Variants in SYT1 observed in about 807,000 individuals in gnomAD.
SYT1 encodes the protein synaptotagmin-1.
SYT1 carries 8 observed loss-of-function variants against 44.8 expected under a neutral mutation model. That is an observed-to-expected ratio of 0.18 (90% confidence interval 0.10 to 0.32). SYT1 has a LOEUF of 0.32. SYT1 is among the 10% of genes least tolerant of loss of function. SYT1 has a pLI of 1.00. For missense variants in SYT1, 286 were observed against 509.3 expected (o/e 0.56, Z 4.22); for synonymous variants, 154 against 188.8 (o/e 0.82, Z 1.51).
intron 1 of SYT1, among the ~76,000 whole-genome samples, chr12:78,901,185 T>TTTTCATGAAGTGTATCATGAAATG (rs1565708905): frequency 9.9e-5 from 15 of 152,112 alleles, no homozygotes. Context: ...GTCATGAAAT[T>TTTTCATGAAGTGTATCATGAAATG]TTTCATGAAG....
intron 2 of SYT1, among the ~76,000 whole-genome samples, chr12:78,992,241 CTCCAACGTATTG>C (rs1322033286): frequency 2.0e-5 from 3 of 152,198 alleles, no homozygotes; most frequent in Non-Finnish European, 4.4e-5. Flanking sequence ...TGACTAAGCT[CTCCAACGTATTG>C]TCCTTTATAC....
Position 79,353,540 on chromosome 12 carries a change from C to T in SYT1, c.849C>T (p.Tyr283=), listed in dbSNP as rs146053442. 3.4e-4 allele frequency: 555 copies of T among 1,614,104 alleles called. 6 individuals carry two copies. In the East Asian group the frequency reaches 0.011, roughly 33 times the overall value. The change falls in exon 9 of 11, where the codon TAC becomes TAT. Residue 283 remains tyrosine, a synonymous_variant. Transcript: ENST00000261205. ...KLGDICFSLR[Y]VPTAGKLTVV... is the part of the protein sequence containing the mutation. ...GTGATATCTGCTTCTCCCTTCGCTA[C>T]GTACCTACTGCTGGTAAGCTGACTG...
chr12:79,076,412 A>T (rs866460503), intron 3 of SYT1, among the ~76,000 whole-genome samples: 9 of 152,280 alleles, frequency 5.9e-5, no homozygotes, highest in African/African-American at 2.2e-4. Context: ...TAAAAAATAG[A>T]ATGTTACCAA....
At chr12:78,925,420 C>CTG (rs1877246799) in intron 1 of SYT1, among the ~76,000 whole-genome samples, 1 of 151,936 alleles carries the variant, frequency 6.6e-6, no homozygotes, top group East Asian at 1.9e-4. Context: ...CAAAAGTTAA[C>CTG]TGAGGTTCCC....
intron 1 of SYT1, among the ~76,000 whole-genome samples, chr12:78,885,155 G>T (rs544549948): frequency 1.8e-4 from 27 of 151,780 alleles, no homozygotes; most frequent in African/African-American, 5.8e-4. Context: ...AAATGTTTCA[G>T]TATTAATAAG....
At chr12:79,342,085 TGC>T (rs960407853) in intron 8 of SYT1, among the ~76,000 whole-genome samples, 2 of 152,242 alleles carry the variant, frequency 1.3e-5, no homozygotes, top group Admixed American at 6.5e-5. Flanking sequence ...TTGTGGCTGT[TGC>T]GCAGAGGGAG....
chr12:78,965,258 TA>T (rs1565739793), intron 1 of SYT1, among the ~76,000 whole-genome samples: 1 of 152,194 alleles, frequency 6.6e-6, no homozygotes, highest in Non-Finnish European at 1.5e-5. Flanking sequence ...TTTAGGCCTT[TA>T]AGAGATATCA....
At chr12:78,986,139 A>C (rs1391911549) in intron 2 of SYT1, among the ~76,000 whole-genome samples, 1 of 152,018 alleles carries the variant, frequency 6.6e-6, no homozygotes, top group African/African-American at 2.4e-5. Flanking sequence ...CGGAAAATCT[A>C]AGTTTGTGTT....
intron 9 of SYT1, among the ~76,000 whole-genome samples, chr12:79,442,361 T>C (rs1296717330): frequency 6.6e-6 from 1 of 152,226 alleles, no homozygotes; most frequent in African/African-American, 2.4e-5. Context: ...TTTACAACTG[T>C]TTACAGTGGA....
At chr12:79,231,288 AGTCCACGT>A (rs1212360236) in intron 4 of SYT1, among the ~76,000 whole-genome samples, 1 of 152,142 alleles carries the variant, frequency 6.6e-6, no homozygotes, top group Non-Finnish European at 1.5e-5. Flanking sequence ...ATATCTTCTG[AGTCCACGT>A]GTCTCCCCAG....
intron 3 of SYT1, among the ~76,000 whole-genome samples, chr12:79,206,755 T>C (rs1208252589): frequency 6.6e-6 from 1 of 152,240 alleles, no homozygotes; most frequent in Non-Finnish European, 1.5e-5. Flanking sequence ...CTAACAAGAC[T>C]AGTGACTCCA....
At chr12:79,055,268 TC>T (rs1874846384) in intron 3 of SYT1, among the ~76,000 whole-genome samples, 1 of 152,166 alleles carries the variant, frequency 6.6e-6, no homozygotes, top group East Asian at 1.9e-4. Flanking sequence ...TTCTTATTAA[TC>T]TTTGATTTGT....
chr12:79,119,752 T>A (rs1439271616), intron 3 of SYT1, among the ~76,000 whole-genome samples: 2 of 152,164 alleles, frequency 1.3e-5, no homozygotes, highest in East Asian at 3.8e-4. Context: ...AGAGGAACAT[T>A]TCAAATCATT....
intron 9 of SYT1, among the ~76,000 whole-genome samples, chr12:79,363,866 A>G (rs1046683320): frequency 6.6e-6 from 1 of 151,976 alleles, no homozygotes; most frequent in Admixed American, 6.6e-5. Context: ...CCTTTTCACC[A>G]TAGTCTTGCC....
chr12:79,317,562 C>T (rs1881152399), intron 8 of SYT1, among the ~76,000 whole-genome samples: 1 of 152,100 alleles, frequency 6.6e-6, no homozygotes, highest in Non-Finnish European at 1.5e-5. Context: ...AGTGGGAGAA[C>T]CCGGGGCACA....
chr12:79,161,790 C>A (rs1327615729), intron 3 of SYT1, among the ~76,000 whole-genome samples: 2 of 152,118 alleles, frequency 1.3e-5, no homozygotes, highest in African/African-American at 2.4e-5. Flanking sequence ...CCAGCCTACA[C>A]AAAGCCTATC....
intron 2 of SYT1, among the ~76,000 whole-genome samples, chr12:79,030,308 A>C (rs1041323979): frequency 2.0e-5 from 3 of 150,786 alleles, no homozygotes; most frequent in Non-Finnish European, 4.5e-5. Context: ...CAACTTTTTC[A>C]GTCTTCTTTC....
intron 9 of SYT1, among the ~76,000 whole-genome samples, chr12:79,425,031 T>A (rs1423709487): frequency 6.6e-6 from 1 of 151,526 alleles, no homozygotes. Flanking sequence ...CTTTATTATG[T>A]TCATAGAAGC....
intron 3 of SYT1, among the ~76,000 whole-genome samples, chr12:79,065,691 C>G (rs1875792096): frequency 1.3e-5 from 2 of 152,042 alleles, no homozygotes; most frequent in African/African-American, 4.8e-5. Flanking sequence ...TTCACAAATT[C>G]TTAATGAAAT....
Sources: allele counts gnomAD v4.1 joint callset (sites outside exome capture counted in the v4.1 genomes callset), GRCh38; gene constraint gnomAD v4.1.1; transcripts MANE v1.5; gene names NCBI Gene and HGNC (gene_info 2026-07-23, HGNC 2026-07-21).